Variants in PACRG observed in about 807,000 individuals in gnomAD.
PACRG encodes parkin coregulated.
In PACRG, 29 loss-of-function variants were observed where a neutral mutation model predicts 29.7. The observed-to-expected ratio is 0.98, with a 90% CI of 0.73 to 1.33. The LOEUF (loss-of-function observed/expected upper bound fraction) is 1.33, where lower values mean the gene tolerates loss of function less well. PACRG is among the 40% of genes most tolerant of loss of function. The pLI is 0.00. For synonymous variants in PACRG, 116 were observed against 118.7 expected (o/e 0.98, Z 0.15); for missense variants, 279 against 316.2 (o/e 0.88, Z 0.89).
chr6:163,121,808 A>G (rs571175458), intron 4 of PACRG, among the ~76,000 whole-genome samples: 10 of 151,636 alleles, frequency 6.6e-5, no homozygotes, highest in Admixed American at 5.9e-4. Context: ...GACCACAGGT[A>G]CCCGCCACCA....
intron 2 of PACRG, among the ~76,000 whole-genome samples, chr6:163,028,396 T>A (rs1275345248): frequency 6.6e-6 from 1 of 152,122 alleles, no homozygotes; most frequent in African/African-American, 2.4e-5. Context: ...TTGATCATTT[T>A]GCACCTCCAT....
At chr6:163,305,821 G>A (rs972063483) in intron 4 of PACRG, among the ~76,000 whole-genome samples, 45 of 152,232 alleles carry the variant, frequency 3.0e-4, no homozygotes, top group Admixed American at 5.2e-4. Context: ...AACACTACCC[G>A]GTTGGTTGCA....
At chr6:163,129,288 TG>T (rs1337545025) in intron 4 of PACRG, among the ~76,000 whole-genome samples, 1 of 152,236 alleles carries the variant, frequency 6.6e-6, no homozygotes, top group Non-Finnish European at 1.5e-5. Context: ...TCAATGATTT[TG>T]GAGGCAGATT....
chr6:163,239,983 TACAC>T (rs748201083), intron 4 of PACRG, among the ~76,000 whole-genome samples: 24 of 118,038 alleles, frequency 2.0e-4, no homozygotes, highest in African/African-American at 7.3e-4. Flanking sequence ...CACATACACA[TACAC>T]ACACACTCAC....
intron 2 of PACRG, among the ~76,000 whole-genome samples, chr6:162,958,878 TATATATAGAGAGAG>T (rs1226586777): frequency 1.5e-3 from 31 of 20,152 alleles, no homozygotes; most frequent in Admixed American, 5.2e-3. Flanking sequence ...TATATATATA[TATATATAGAGAGAG>T]AGAGAGAGAG....
At chr6:163,152,867 T>C (rs900554239) in intron 4 of PACRG, among the ~76,000 whole-genome samples, 1 of 152,312 alleles carries the variant, frequency 6.6e-6, no homozygotes, top group East Asian at 1.9e-4. Context: ...TTTCTCTAAC[T>C]GTGGGTCTCC....
At chr6:163,287,760 C>T (rs1403583816) in intron 4 of PACRG, among the ~76,000 whole-genome samples, 3 of 152,146 alleles carry the variant, frequency 2.0e-5, no homozygotes, top group Non-Finnish European at 2.9e-5. Flanking sequence ...AATAATTGAA[C>T]GAGGAACCGG....
chr6:163,294,475 G>A (rs1784720900), intron 4 of PACRG, among the ~76,000 whole-genome samples: 1 of 152,100 alleles, frequency 6.6e-6, no homozygotes. Flanking sequence ...GTCAATGTTG[G>A]TCTCAGTTTT....
chr6:163,314,587 A>G (rs1785572661), intron 4 of PACRG, among the ~76,000 whole-genome samples: 2 of 152,160 alleles, frequency 1.3e-5, no homozygotes, highest in Non-Finnish European at 1.5e-5. Flanking sequence ...TGTAACTGTG[A>G]TTCACTTACT....
intron 1 of PACRG, among the ~76,000 whole-genome samples, chr6:162,778,920 G>C (rs1383511242): frequency 1.3e-5 from 2 of 152,152 alleles, no homozygotes; most frequent in Non-Finnish European, 2.9e-5. Context: ...AGGATGTGCA[G>C]GTTTGTTTCA....
chr6:163,223,589 C>T (rs1192676598), intron 4 of PACRG, among the ~76,000 whole-genome samples: 1 of 151,954 alleles, frequency 6.6e-6, no homozygotes, highest in Non-Finnish European at 1.5e-5. Context: ...CTGTAATGCA[C>T]AGGAAAAAGT....
At chr6:163,250,883 G>GTA (rs368878258) in intron 4 of PACRG, among the ~76,000 whole-genome samples, 27,859 of 137,748 alleles carry the variant, frequency 0.2, 2,983 homozygotes, top group Non-Finnish European at 0.26. Flanking sequence ...AGAAATTGTT[G>GTA]TATATATATA....
At chr6:163,171,771 C>T (rs2128347610) in intron 4 of PACRG, among the ~76,000 whole-genome samples, 1 of 152,282 alleles carries the variant, frequency 6.6e-6, no homozygotes, top group East Asian at 1.9e-4. Flanking sequence ...ACAACTGTCT[C>T]CTCCCTGGTG....
intron 2 of PACRG, among the ~76,000 whole-genome samples, chr6:163,038,194 C>T (rs1808383026): frequency 6.6e-6 from 1 of 152,146 alleles, no homozygotes; most frequent in South Asian, 2.1e-4. Context: ...CCAACATGTA[C>T]ACCTTAACCA....
chr6:163,194,135 C>G (rs950921792), intron 4 of PACRG, among the ~76,000 whole-genome samples: 10 of 152,212 alleles, frequency 6.6e-5, no homozygotes, highest in African/African-American at 2.4e-4. Context: ...TCAAGTAAGA[C>G]TGTTTCTTAA....
At chr6:163,195,065 G>A (rs1009331573) in intron 4 of PACRG, among the ~76,000 whole-genome samples, 22 of 152,096 alleles carry the variant, frequency 1.4e-4, no homozygotes, top group African/African-American at 5.1e-4. Flanking sequence ...GGAGTCGATG[G>A]TAGAGGGAGT....
chr6:163,224,445 A>T (rs1441767915), intron 4 of PACRG, among the ~76,000 whole-genome samples: 1 of 151,514 alleles, frequency 6.6e-6, no homozygotes, highest in Non-Finnish European at 1.5e-5. Flanking sequence ...CACTACAAAG[A>T]TATAATAATC....
chr6:162,802,683 A>G (rs1785976139), intron 1 of PACRG, among the ~76,000 whole-genome samples: 1 of 152,080 alleles, frequency 6.6e-6, no homozygotes, highest in African/African-American at 2.4e-5. Flanking sequence ...TCCTCAGTGC[A>G]CTACAGTCTG....
At chr6:162,732,557 A>G (rs1405301998) in intron 1 of PACRG, among the ~76,000 whole-genome samples, 2 of 152,376 alleles carry the variant, frequency 1.3e-5, no homozygotes, top group Middle Eastern at 3.4e-3. Flanking sequence ...GTCTAGCTCC[A>G]GTGCTAAATG....
Sources: allele counts gnomAD v4.1 joint callset (sites outside exome capture counted in the v4.1 genomes callset), GRCh38; gene constraint gnomAD v4.1.1; transcripts MANE v1.5; gene names NCBI Gene and HGNC (gene_info 2026-07-23, HGNC 2026-07-21).